Variants in FLRT2 observed in about 807,000 individuals in gnomAD.
FLRT2 encodes fibronectin leucine rich transmembrane protein 2, also known as leucine-rich repeat transmembrane protein FLRT2.
Under a neutral mutation model 40.0 loss-of-function variants are expected in FLRT2, and 15 were observed. The ratio of observed to expected loss-of-function variants is 0.38; its 90% confidence interval spans 0.25 to 0.58. The LOEUF is 0.58. FLRT2 is among the 20% of genes least tolerant of loss of function. The pLI, the probability that FLRT2 is intolerant of heterozygous loss-of-function variation, is 0.71. For missense variants in FLRT2, 726 were observed against 840.0 expected (o/e 0.86, Z 1.68); for synonymous variants, 380 against 336.8 (o/e 1.13, Z -1.41).
At chr14:85,603,285 G>A (rs9323769) in intron 1 of FLRT2, among the ~76,000 whole-genome samples, 32,674 of 152,020 alleles carry the variant, frequency 0.21, 3,905 homozygotes, top group Middle Eastern at 0.28. Context: ...AGTAGATAGA[G>A]GCCCCTTTGT....
In FLRT2 at chr14:85,636,283, G is replaced by T. The variant is rs1366951876; in HGVS notation, c.*12786G>T. 2 of 144,318 alleles carry T rather than the reference G, an allele frequency of 1.4e-5. No individual in the cohort carries two copies. Among genetic ancestry groups the T allele is most frequent in the Non-Finnish European group, 3.0e-5 (2 of 66,436 alleles). 8.9% of individuals were successfully genotyped at this position (144,318 alleles called of 1,614,324 possible). On this transcript the variant is annotated 3_prime_UTR_variant, in exon 2 of 2. Coordinates refer to ENST00000330753, the MANE Select transcript of FLRT2 (RefSeq NM_013231.6). ...ATTTATCAAAGTAACTATAATAAAA[G>T]TATTTAATGGTATTTGTATTGCAAA...
Position 85,623,155 on chromosome 14 carries a change from C to A in FLRT2, c.1641C>A (p.Ile547=), listed in dbSNP as rs199929862. 5.0e-6 allele frequency: 8 copies of A among 1,585,514 alleles called. No homozygotes were observed. Among genetic ancestry groups the A allele is most frequent in the Middle Eastern group, 1.7e-4 (1 of 5,888 alleles). ...CCCCCTTTCTGCTGGCGGGCTTGAT[C>A]GGGGGCGCGGTGATATTTGTGCTGG... is the stretch of plus-strand genomic sequence containing the variant. The part of the protein sequence containing the change: ...MGSPFLLAGL[I]GGAVIFVLVV... The change falls in exon 2 of 2, where the codon ATC becomes ATA. Residue 547 remains isoleucine, a synonymous_variant. Transcript: ENST00000330753.
At chr14:85,601,805 A>T (rs1174442315) in intron 1 of FLRT2, among the ~76,000 whole-genome samples, 1 of 152,234 alleles carries the variant, frequency 6.6e-6, no homozygotes, top group East Asian at 1.9e-4. Context: ...TGGTAAAGTC[A>T]CAGAGATGTG....
At chr14:85,614,550 A>G (rs1219785223) in intron 1 of FLRT2, among the ~76,000 whole-genome samples, 1 of 152,158 alleles carries the variant, frequency 6.6e-6, no homozygotes, top group African/African-American at 2.4e-5. Flanking sequence ...AATTCCCTGA[A>G]AGCAATTCCT....
Position 85,602,430 on chromosome 14 carries a change from G to A in FLRT2, c.-376-18709G>A, listed in dbSNP as rs74612801. 2.6e-4 allele frequency among the ~76,000 whole-genome samples: 40 copies of A among 152,282 alleles called. 1 individual carries two copies. In the East Asian group the frequency reaches 7.2e-3, roughly 27 times the overall value. The stretch of plus-strand genomic sequence containing the variant: ...AATTGGAAGGCGAGATGGCACTTCC[G>A]ATTTTATTAAAGCACGCTGGAGCTC... On this transcript the variant is annotated intron_variant, in intron 1 of 1. Coordinates refer to ENST00000330753, the MANE Select transcript of FLRT2 (RefSeq NM_013231.6).
At chr14:85,590,166 C>T (rs1891817783) in intron 1 of FLRT2, among the ~76,000 whole-genome samples, 1 of 152,004 alleles carries the variant, frequency 6.6e-6, no homozygotes, top group African/African-American at 2.4e-5. Flanking sequence ...TCTCTCCCCA[C>T]CAAATGTCAG....
intron 1 of FLRT2, among the ~76,000 whole-genome samples, chr14:85,559,025 C>T (rs138661098): frequency 4.8e-4 from 73 of 152,322 alleles, no homozygotes; most frequent in African/African-American, 1.4e-3. Context: ...GACCAATACA[C>T]GCACATAGAA....
At chr14:85,578,965 G>T (rs539367061) in intron 1 of FLRT2, among the ~76,000 whole-genome samples, 2 of 152,216 alleles carry the variant, frequency 1.3e-5, no homozygotes, top group Non-Finnish European at 2.9e-5. Flanking sequence ...CCCAGTTGGA[G>T]TCTCAACCTT....
chr14:85,588,523 A>G (rs1025661540), intron 1 of FLRT2, among the ~76,000 whole-genome samples: 14 of 151,520 alleles, frequency 9.2e-5, no homozygotes, highest in African/African-American at 3.4e-4. Flanking sequence ...TATGAGGTAC[A>G]TAAGATGTTT....
intron 1 of FLRT2, among the ~76,000 whole-genome samples, chr14:85,555,446 C>A (rs985408148): frequency 6.6e-6 from 1 of 152,086 alleles, no homozygotes; most frequent in African/African-American, 2.4e-5. Flanking sequence ...TGGCAGCAGA[C>A]AAGAGAGAAT....
At chr14:85,552,573 CAAATCATT>C (rs1306233601) in intron 1 of FLRT2, among the ~76,000 whole-genome samples, 1 of 152,122 alleles carries the variant, frequency 6.6e-6, no homozygotes, top group African/African-American at 2.4e-5. Context: ...GAATCATGCC[CAAATCATT>C]AAAGCTTTCT....
chr14:85,617,675 G>A (rs1412431278), intron 1 of FLRT2, among the ~76,000 whole-genome samples: 2 of 152,138 alleles, frequency 1.3e-5, no homozygotes, highest in Non-Finnish European at 1.5e-5. Flanking sequence ...TTACCAATAT[G>A]TATACTGATT....
At chr14:85,606,316 A>G (rs61992731) in intron 1 of FLRT2, among the ~76,000 whole-genome samples, 2,167 of 152,238 alleles carry the variant, frequency 0.014, 35 homozygotes, top group Middle Eastern at 0.024. Flanking sequence ...ATTAAATGGA[A>G]TATTGGTAGG....
chr14:85,587,421 T>C (rs968200533), intron 1 of FLRT2, among the ~76,000 whole-genome samples: 6 of 152,194 alleles, frequency 3.9e-5, no homozygotes, highest in Non-Finnish European at 8.8e-5. Flanking sequence ...GAGATTTTCC[T>C]GATTTGTTTT....
chr14:85,608,175 C>T (rs754854223), intron 1 of FLRT2, among the ~76,000 whole-genome samples: 2 of 152,042 alleles, frequency 1.3e-5, no homozygotes, highest in Non-Finnish European at 2.9e-5. Context: ...TGGGTGGGAA[C>T]AGTTTAGTCC....
intron 1 of FLRT2, among the ~76,000 whole-genome samples, chr14:85,599,427 G>T (rs1892288926): frequency 6.6e-6 from 1 of 152,108 alleles, no homozygotes; most frequent in Non-Finnish European, 1.5e-5. Flanking sequence ...AATTCTTAAA[G>T]CAACCATGTA....
chr14:85,581,876 G>T (rs1041271328), intron 1 of FLRT2, among the ~76,000 whole-genome samples: 1 of 152,142 alleles, frequency 6.6e-6, no homozygotes, highest in African/African-American at 2.4e-5. Context: ...TCCACCCACA[G>T]TTAGGACATG....
At chr14:85,604,031 A>C (rs542320955) in intron 1 of FLRT2, among the ~76,000 whole-genome samples, 23 of 152,236 alleles carry the variant, frequency 1.5e-4, no homozygotes, top group Admixed American at 7.2e-4. Flanking sequence ...TGCTTTCTTC[A>C]ATATCATTTT....
intron 1 of FLRT2, among the ~76,000 whole-genome samples, chr14:85,536,199 G>A (rs1240502250): frequency 1.3e-5 from 2 of 152,050 alleles, no homozygotes; most frequent in Admixed American, 1.3e-4. Context: ...CTGCTGGAGA[G>A]TTTGATTTAG....
Sources: allele counts gnomAD v4.1 joint callset (sites outside exome capture counted in the v4.1 genomes callset), GRCh38; gene constraint gnomAD v4.1.1; transcripts MANE v1.5; gene names NCBI Gene and HGNC (gene_info 2026-07-23, HGNC 2026-07-21).